CSRNP3: variants seen among roughly 807,000 people sequenced by gnomAD.
CSRNP3 encodes the protein cysteine and serine rich nuclear protein 3.
CSRNP3 carries 12 observed loss-of-function variants against 48.0 expected under a neutral mutation model. The ratio of observed to expected loss-of-function variants is 0.25; its 90% CI spans 0.16 to 0.41. The LOEUF is 0.41. Among genes scored for constraint, CSRNP3 ranks in the 10% least tolerant of loss-of-function variants. The pLI is 1.00. For missense variants in CSRNP3, 580 were observed against 724.4 expected (o/e 0.80, Z 2.29); for synonymous variants, 263 against 269.7 (o/e 0.98, Z 0.24).
chr2:165,570,006 A>G (rs1264953764), intron 3 of CSRNP3, among the ~76,000 whole-genome samples: 1 of 152,018 alleles, frequency 6.6e-6, no homozygotes, highest in African/African-American at 2.4e-5. Context: ...TAGATTTTAT[A>G]TCATATCTTT....
chr2:165,489,854 A>G (rs1414798810), intron 1 of CSRNP3, among the ~76,000 whole-genome samples: 1 of 129,862 alleles, frequency 7.7e-6, no homozygotes, highest in African/African-American at 3.0e-5. Flanking sequence ...CTGAATGGGC[A>G]AAAACTGGAA....
chr2:165,520,640 T>C lies in CSRNP3; in HGVS notation c.-24+2679T>C, dbSNP rs572540394. Among the ~76,000 whole-genome samples the C allele has an allele frequency of 2.6e-5, 4 of 151,010 alleles. No individual in the cohort carries two copies. The South Asian group carries it at 8.3e-4, about 31-fold the overall frequency. On this transcript the variant is annotated intron_variant, in intron 3 of 6. Coordinates refer to ENST00000651982, the MANE Select transcript of CSRNP3 (RefSeq NM_001172173.2). ...AAAGGACATGTGTCCAATATTAGAT[T>C]ATTAAAAGAAACACAAAGTAAAGTT...
At chr2:165,563,113 A>G (rs906606022) in intron 3 of CSRNP3, among the ~76,000 whole-genome samples, 4 of 152,188 alleles carry the variant, frequency 2.6e-5, no homozygotes, top group African/African-American at 9.6e-5. Flanking sequence ...CTACCTCTCA[A>G]ATTGTTGCCT....
In CSRNP3 at chr2:165,676,627, G is replaced by A. The variant is rs1419543763; in HGVS notation, c.705+19G>A. ...GTGCCAGGTAAGGGTTGGGAATTCA[G>A]GGCATCCAAAGACAAGACATTGTCT... On this transcript the variant is annotated intron_variant, in intron 6 of 6. Coordinates refer to ENST00000651982, the MANE Select transcript of CSRNP3 (RefSeq NM_001172173.2). 6.2e-7 allele frequency: 1 copy of A among 1,606,234 alleles called. No homozygotes were observed. Among genetic ancestry groups the A allele is most frequent in the East Asian group, 2.2e-5 (1 of 44,662 alleles).
intron 4 of CSRNP3, among the ~76,000 whole-genome samples, chr2:165,599,313 G>T (rs1455912524): frequency 7.1e-6 from 1 of 141,550 alleles, no homozygotes; most frequent in Admixed American, 7.5e-5. Context: ...AAGAAAGAAA[G>T]AAAGAAAGAA....
At chr2:165,654,722 C>T (rs939865579) in intron 4 of CSRNP3, among the ~76,000 whole-genome samples, 1 of 152,180 alleles carries the variant, frequency 6.6e-6, no homozygotes, top group Non-Finnish European at 1.5e-5. Flanking sequence ...CTCCACCTCT[C>T]AGGTTCCAGC....
At chr2:165,624,484 T>A (rs1331404633) in intron 4 of CSRNP3, among the ~76,000 whole-genome samples, 1 of 152,220 alleles carries the variant, frequency 6.6e-6, no homozygotes, top group Non-Finnish European at 1.5e-5. Flanking sequence ...TTTAAATTAC[T>A]ACAAATATCC....
intron 4 of CSRNP3, among the ~76,000 whole-genome samples, chr2:165,604,669 A>G (rs1685979099): frequency 6.6e-6 from 1 of 152,220 alleles, no homozygotes; most frequent in Non-Finnish European, 1.5e-5. Context: ...ATCACTGTTT[A>G]ATTGGATGCT....
At chr2:165,582,502 C>T (rs1685565365) in intron 3 of CSRNP3, among the ~76,000 whole-genome samples, 1 of 152,144 alleles carries the variant, frequency 6.6e-6, no homozygotes, top group South Asian at 2.1e-4. Flanking sequence ...GGAAATGTCT[C>T]CAGCAAATGC....
At chr2:165,516,886 T>C (rs564093576) in intron 2 of CSRNP3, among the ~76,000 whole-genome samples, 1 of 152,244 alleles carries the variant, frequency 6.6e-6, no homozygotes, top group African/African-American at 2.4e-5. Flanking sequence ...CAAATTTTTT[T>C]CTTAAAGATT....
chr2:165,477,630 C>T (rs935966574), intron 1 of CSRNP3, among the ~76,000 whole-genome samples: 1 of 149,662 alleles, frequency 6.7e-6, no homozygotes, highest in Non-Finnish European at 1.5e-5. Context: ...GATCATGCTA[C>T]TGCACTCCAG....
intron 5 of CSRNP3, among the ~76,000 whole-genome samples, chr2:165,672,580 C>T (rs1351576743): frequency 1.3e-5 from 2 of 152,234 alleles, no homozygotes. Context: ...ATTATGGGAG[C>T]TACATTTGGT....
intron 4 of CSRNP3, among the ~76,000 whole-genome samples, chr2:165,601,459 G>A (rs1440377761): frequency 2.0e-5 from 3 of 152,310 alleles, no homozygotes; most frequent in Non-Finnish European, 4.4e-5. Flanking sequence ...AGCAGTGGAT[G>A]TCCTACAATA....
chr2:165,528,574 TAA>T (rs1185118225), intron 3 of CSRNP3, among the ~76,000 whole-genome samples: 4 of 152,228 alleles, frequency 2.6e-5, no homozygotes, highest in Non-Finnish European at 5.9e-5. Context: ...CACTCTTTAT[TAA>T]AGAGACTGTC....
chr2:165,483,642 G>T (rs1247966814), intron 1 of CSRNP3, among the ~76,000 whole-genome samples: 1 of 152,134 alleles, frequency 6.6e-6, no homozygotes, highest in East Asian at 1.9e-4. Flanking sequence ...ATAAACCACA[G>T]AAATTTATTT....
intron 2 of CSRNP3, among the ~76,000 whole-genome samples, chr2:165,506,921 A>G (rs1684433917): frequency 6.6e-6 from 1 of 152,174 alleles, no homozygotes. Context: ...ATATATTACT[A>G]GAAAAAATAG....
intron 4 of CSRNP3, among the ~76,000 whole-genome samples, chr2:165,637,556 C>T (rs563285229): frequency 1.7e-4 from 26 of 152,288 alleles, no homozygotes; most frequent in African/African-American, 6.3e-4. Flanking sequence ...TTCTGCTCTG[C>T]AACATACTTT....
At chr2:165,580,944 A>C (rs1468585919) in intron 3 of CSRNP3, among the ~76,000 whole-genome samples, 1 of 152,090 alleles carries the variant, frequency 6.6e-6, no homozygotes, top group Non-Finnish European at 1.5e-5. Flanking sequence ...TCTTAATTGC[A>C]AGCATGTAAA....
At chr2:165,587,738 G>A (rs1685655115) in intron 3 of CSRNP3, among the ~76,000 whole-genome samples, 1 of 152,158 alleles carries the variant, frequency 6.6e-6, no homozygotes, top group Admixed American at 6.6e-5. Flanking sequence ...AGTTAGTCTA[G>A]AGTTGGCTTT....
Sources: allele counts gnomAD v4.1 joint callset (sites outside exome capture counted in the v4.1 genomes callset), GRCh38; gene constraint gnomAD v4.1.1; transcripts MANE v1.5; gene names NCBI Gene and HGNC (gene_info 2026-07-23, HGNC 2026-07-21).